Variants in CNTN4 observed in about 807,000 individuals in gnomAD.
CNTN4 encodes contactin 4.
Under a neutral mutation model 122.5 loss-of-function variants are expected in CNTN4, and 77 were observed. The observed-to-expected ratio is 0.63, with a 90% confidence interval of 0.52 to 0.76. The LOEUF is 0.76. Among genes scored for constraint, CNTN4 ranks in the 30% least tolerant of loss-of-function variants. The pLI is 0.00. For synonymous variants in CNTN4, 512 were observed against 447.0 expected (o/e 1.15, Z -1.83); for missense variants, 1,256 against 1,259.1 (o/e 1.00, Z 0.04).
At chr3:3,029,555 A>G (rs1278835688) in intron 15 of CNTN4, among the ~76,000 whole-genome samples, 1 of 152,186 alleles carries the variant, frequency 6.6e-6, no homozygotes, top group Non-Finnish European at 1.5e-5. Context: ...CTCTTCCATT[A>G]TCCTGTGAAT....
rs1315867037 is a variant in CNTN4, at chr3:2,881,527, A to C, written c.653-1618A>C. On this transcript the variant is annotated intron_variant, in intron 8 of 24. Transcript: ENST00000418658. ...GACTCAGTCTCAAGAAAAAAAAAAA[A>C]AAAACAGGCAAGGGCCCACCTCTGC... is the stretch of plus-strand genomic sequence containing the variant. Among the ~76,000 whole-genome samples the C allele has an allele frequency of 2.0e-5, 3 of 151,924 alleles. No homozygotes were observed. The East Asian group carries it at 5.8e-4, about 29-fold the overall frequency.
intron 8 of CNTN4, 71 bp from the exon 9 acceptor site, chr3:2,883,074 A>G (rs2093930821): frequency 1.8e-6 from 2 of 1,087,950 alleles, no homozygotes; most frequent in Admixed American, 1.9e-5. Context: ...CTGCATTAAC[A>G]GAAAAATGAG....
intron 4 of CNTN4, among the ~76,000 whole-genome samples, chr3:2,670,302 A>G (rs2084428356): frequency 6.6e-6 from 1 of 152,090 alleles, no homozygotes; most frequent in Non-Finnish European, 1.5e-5. Context: ...TATATTTAGG[A>G]TAGTTAGCTC....
At chr3:3,021,398 A>C (rs1203383687) in intron 14 of CNTN4, among the ~76,000 whole-genome samples, 1 of 152,200 alleles carries the variant, frequency 6.6e-6, no homozygotes, top group Non-Finnish European at 1.5e-5. Flanking sequence ...TATGATTAAA[A>C]ATAATTCTCT....
intron 3 of CNTN4, among the ~76,000 whole-genome samples, chr3:2,444,475 G>A (rs761705853): frequency 3.9e-5 from 6 of 152,120 alleles, no homozygotes; most frequent in Non-Finnish European, 7.4e-5. Context: ...CTCATTTACC[G>A]TATTCGAGAA....
chr3:2,388,816 G>T (rs1320482483), intron 3 of CNTN4, among the ~76,000 whole-genome samples: 1 of 151,898 alleles, frequency 6.6e-6, no homozygotes, highest in Non-Finnish European at 1.5e-5. Context: ...CTGCACTCCA[G>T]CATGGGCAAC....
chr3:2,719,381 G>A (rs9837389), intron 4 of CNTN4, among the ~76,000 whole-genome samples: 26,931 of 150,076 alleles, frequency 0.18, 2,562 homozygotes, highest in African/African-American at 0.24. Flanking sequence ...CTGCAACCTC[G>A]CCTCCTGGGT....
chr3:2,484,089 G>A (rs569110846), intron 3 of CNTN4, among the ~76,000 whole-genome samples: 1 of 152,056 alleles, frequency 6.6e-6, no homozygotes, highest in South Asian at 2.1e-4. Flanking sequence ...AATCTACAAA[G>A]AACTTTCTTA....
intron 6 of CNTN4, among the ~76,000 whole-genome samples, chr3:2,778,946 T>C (rs1384137984): frequency 6.6e-6 from 1 of 152,210 alleles, no homozygotes; most frequent in Admixed American, 6.5e-5. Context: ...TTTATAACTT[T>C]TGCTATTAGT....
At chr3:2,405,567 A>G (rs2047003286) in intron 3 of CNTN4, among the ~76,000 whole-genome samples, 1 of 151,274 alleles carries the variant, frequency 6.6e-6, no homozygotes, top group East Asian at 1.9e-4. Context: ...TAAAATAGAT[A>G]TATGCGAACC....
intron 8 of CNTN4, among the ~76,000 whole-genome samples, chr3:2,867,891 C>T (rs9867611): frequency 0.71 from 108,278 of 151,970 alleles, 38,935 homozygotes; most frequent in African/African-American, 0.8. Flanking sequence ...TTCACAGCCA[C>T]CTCTGCTGCA....
At chr3:2,566,740 G>A (rs13080880) in intron 3 of CNTN4, among the ~76,000 whole-genome samples, 8,349 of 152,224 alleles carry the variant, frequency 0.055, 267 homozygotes, top group Middle Eastern at 0.095. Context: ...TAACCTACAA[G>A]CAAGCAAACA....
chr3:2,934,803 C>T (rs1423086934), intron 13 of CNTN4, among the ~76,000 whole-genome samples: 1 of 152,246 alleles, frequency 6.6e-6, no homozygotes, highest in Non-Finnish European at 1.5e-5. Flanking sequence ...GTAGGCAAAA[C>T]AACATCAAAG....
intron 4 of CNTN4, among the ~76,000 whole-genome samples, chr3:2,614,654 A>C (rs2081636025): frequency 6.6e-6 from 1 of 152,126 alleles, no homozygotes; most frequent in African/African-American, 2.4e-5. Flanking sequence ...TAGACGATGA[A>C]TTTTTCTCAG....
At chr3:2,944,492 C>A (rs12496487) in intron 13 of CNTN4, among the ~76,000 whole-genome samples, 11,246 of 152,110 alleles carry the variant, frequency 0.074, 478 homozygotes, top group Middle Eastern at 0.12. Flanking sequence ...TATTTCTGCT[C>A]CTCCATAGAA....
At chr3:2,605,804 G>C (rs964013337) in intron 4 of CNTN4, among the ~76,000 whole-genome samples, 3 of 152,118 alleles carry the variant, frequency 2.0e-5, no homozygotes, top group Non-Finnish European at 4.4e-5. Flanking sequence ...TTCCACAGTT[G>C]GGGTTACAGC....
rs371509590 is a variant in CNTN4 at position 2,912,133 on chromosome 3, CATT to C, written c.1207+9131_1207+9133del. 1.1e-3 allele frequency among the ~76,000 whole-genome samples: 170 copies of C among 152,240 alleles called. 2 individuals carry two copies. In the Middle Eastern group the frequency reaches 0.02, roughly 18 times the overall value. On this transcript the variant is annotated intron_variant, in intron 12 of 24. Coordinates refer to ENST00000418658, the MANE Select transcript of CNTN4 (RefSeq NM_175607.3). The stretch of plus-strand genomic sequence containing the variant: ...ATCCAAAGAGATCTACACTGAGACA[CATT>C]ATAATCAAAGTGTCAAAAGTCAGAG...
intron 4 of CNTN4, among the ~76,000 whole-genome samples, chr3:2,713,516 A>C (rs1033549756): frequency 6.6e-6 from 1 of 152,174 alleles, no homozygotes; most frequent in African/African-American, 2.4e-5. Flanking sequence ...TAGAGTCTCT[A>C]CCTTCATTCC....
At chr3:2,982,218 G>A (rs1013640188) in intron 13 of CNTN4, among the ~76,000 whole-genome samples, 1 of 152,000 alleles carries the variant, frequency 6.6e-6, no homozygotes, top group Non-Finnish European at 1.5e-5. Context: ...GATAGCATTC[G>A]TCAATCTTCT....
Sources: gnomAD v4.1 joint callset for allele counts (sites outside exome capture counted in the v4.1 genomes callset) on GRCh38, gnomAD v4.1.1 for gene constraint, MANE v1.5 for transcripts, NCBI Gene and HGNC (gene_info 2026-07-23, HGNC 2026-07-21) for gene names.